Variants in MARS1 observed in about 807,000 individuals in gnomAD.
MARS1 encodes methionyl-tRNA synthetase 1, also known as methionine--tRNA ligase, cytoplasmic.
MARS1 carries 80 observed loss-of-function variants against 119.5 expected under a neutral mutation model. That is an observed-to-expected ratio of 0.67 (90% CI 0.56 to 0.81). The LOEUF (loss-of-function observed/expected upper bound fraction) is 0.81. Ranked by LOEUF, MARS1 falls within the 30% of genes least tolerant of loss-of-function variation. The pLI is 0.00. For missense variants in MARS1, 945 were observed against 1,116.5 expected, an observed-to-expected ratio of 0.85 and a Z score of 2.19; for synonymous variants, 418 against 433.4, an observed-to-expected ratio of 0.96 and a Z score of 0.44.
chr12:57,515,339 AGGTG>A lies in MARS1; in HGVS notation c.2391+5_2391+8del. The A allele has an allele frequency of 6.2e-7, 1 of 1,611,538 alleles. No homozygotes were observed. Among genetic ancestry groups the A allele is most frequent in the Non-Finnish European group, 8.5e-7 (1 of 1,179,692 alleles). ...CAGCAGGACACCAGATTGGCACAGTAGGTGGAAGAGCCAGCCTCTCTTAAAATTG... is the reference window on the plus strand; with the variant it reads ...CAGCAGGACACCAGATTGGCACAGTAGAAGAGCCAGCCTCTCTTAAAATTG... On this transcript the variant is annotated splice_donor_5th_base_variant and intron_variant, in intron 18 of 20. Coordinates refer to ENST00000262027, the MANE Select transcript of MARS1 (RefSeq NM_004990.4).
At position 57,514,847 on chromosome 12, in the gene MARS1, G is replaced by T. The variant is rs1249804454; in HGVS notation, c.2095G>T (p.Val699Phe). 2 of 1,613,892 alleles carry T rather than the reference G, an allele frequency of 1.2e-6. No individual in the cohort carries two copies. The highest frequency in any genetic ancestry group is 1.7e-6 in the Non-Finnish European group (2 of 1,179,796). The change falls in exon 16 of 21, where the codon GTT becomes TTT. Residue 699 changes from valine (V) to phenylalanine (F), a missense_variant. Transcript: ENST00000262027. ...GCACTATCACCAGCTACTTGAGAAG[G>T]TTCGGTAAGTAACTGACACCTCTGT... ...LQHYHQLLEK[V>F]RIRDALRSIL...
Position 57,515,966 on chromosome 12 carries a change from T to TA in MARS1, c.2440dup (p.Arg814LysfsTer35), listed in dbSNP as rs1877790250. 1 of 1,614,052 alleles carries TA rather than the reference T, an allele frequency of 6.2e-7. No individual in the cohort carries two copies. The highest frequency in any genetic ancestry group is 1.1e-5 in the South Asian group (1 of 91,084). On this transcript the variant is annotated frameshift_variant, in exon 19 of 21. Coordinates refer to ENST00000262027, the MANE Select transcript of MARS1 (RefSeq NM_004990.4). LOFTEE classifies it high-confidence loss of function. Reference sequence around the variant, plus strand: ...TTGGAAAATGACCAGATTGAAAGTTTAAGGCAGCGCTTTGGAGGGGGCCAG... The same window carrying TA: ...TTGGAAAATGACCAGATTGAAAGTTTAAAGGCAGCGCTTTGGAGGGGGCCAG...
At chr12:57,496,626 A>G (rs528866561) in intron 7 of MARS1, among the ~76,000 whole-genome samples, 2 of 152,096 alleles carry the variant, frequency 1.3e-5, no homozygotes, top group African/African-American at 4.8e-5. Context: ...AAAATTTAAA[A>G]ATTATCCAGG....
At chr12:57,494,494 ATTTTTTTTTT>A (rs59160934) in intron 7 of MARS1, among the ~76,000 whole-genome samples, 1 of 95,488 alleles carries the variant, frequency 1.0e-5, no homozygotes, top group African/African-American at 4.1e-5. Context: ...CGCCTGGCTA[ATTTTTTTTTT>A]TTTTTTTTTT....
chr12:57,506,999 C>T (rs1298116810), intron 11 of MARS1, among the ~76,000 whole-genome samples: 86 of 150,310 alleles, frequency 5.7e-4, no homozygotes, highest in African/African-American at 1.8e-3. Context: ...GACCCTGCGG[C>T]CTTCCGCAGT....
rs1876485347 is a variant in MARS1, at chr12:57,494,535, T to C, written c.771-3622T>C. Among the ~76,000 whole-genome samples the C allele has an allele frequency of 4.7e-5, 7 of 147,470 alleles. No homozygotes were observed. In the South Asian group the frequency reaches 1.5e-3, roughly 32 times the overall value. ...TTTTTTTTTTAGTATTTATTGATCA[T>C]TATTGGGTGTTTCTCGGAGAGGGGG... On this transcript the variant is annotated intron_variant, in intron 7 of 20. Transcript: ENST00000262027.
intron 10 of MARS1, among the ~76,000 whole-genome samples, chr12:57,503,045 A>G (rs1352017002): frequency 3.3e-5 from 5 of 152,126 alleles, no homozygotes; most frequent in African/African-American, 1.2e-4. Context: ...AACAACAACA[A>G]CAACAACAAA....
chr12:57,513,861 G>A (rs1038764159), intron 15 of MARS1, among the ~76,000 whole-genome samples: 1 of 150,714 alleles, frequency 6.6e-6, no homozygotes, highest in Admixed American at 6.6e-5. Flanking sequence ...ACAGGAGTTC[G>A]AGACCAGCCT....
rs1298123253 is a variant in MARS1 at position 57,514,831 on chromosome 12, C to T, written c.2079C>T (p.His693=). The change falls in exon 16 of 21, where the codon CAC becomes CAT. Residue 693 remains histidine, a synonymous_variant. Coordinates refer to ENST00000262027, the MANE Select transcript of MARS1 (RefSeq NM_004990.4). ...AHVTLELQHY[H]QLLEKVRIRD... is the part of the protein sequence containing the mutation. ...TCACCCTGGAGCTCCAGCACTATCA[C>T]CAGCTACTTGAGAAGGTTCGGTAAG... 3 of 1,613,964 alleles carry T rather than the reference C, an allele frequency of 1.9e-6. No individual in the cohort carries two copies. Among genetic ancestry groups the T allele is most frequent in the Non-Finnish European group, 2.5e-6 (3 of 1,179,938 alleles).
chr12:57,504,532 G>A (rs1242944291), intron 11 of MARS1, among the ~76,000 whole-genome samples: 1 of 151,932 alleles, frequency 6.6e-6, no homozygotes, highest in Non-Finnish European at 1.5e-5. Context: ...AATGTCATAT[G>A]CATATAAAAG....
Position 57,500,456 on chromosome 12 carries a change from C to T in MARS1, c.1227C>T (p.Gly409=). 6.2e-7 allele frequency: 1 copy of T among 1,614,208 alleles called. No homozygotes were observed. The highest frequency in any genetic ancestry group is 8.5e-7 in the Non-Finnish European group (1 of 1,180,048). Reference sequence around the variant, plus strand: ...TGGAGGGCGTGTGTCCCTTCTGTGGCTATGAGGAGGCTCGGGGTGACCAGT... The same window carrying T: ...TGGAGGGCGTGTGTCCCTTCTGTGGTTATGAGGAGGCTCGGGGTGACCAGT... ...RFVEGVCPFC[G]YEEARGDQCD... Residue 409 remains glycine, a synonymous_variant, in exon 10 of 21, where the codon GGC becomes GGT. Transcript: ENST00000262027.
At chr12:57,500,653 T>G (rs927965850) in intron 10 of MARS1, 131 bp downstream of exon 10, 17 of 767,150 alleles carry the variant, frequency 2.2e-5, no homozygotes, top group South Asian at 3.5e-5. Context: ...CTGCCCCATC[T>G]CAGCAACTCG....
Position 57,512,753 on chromosome 12 carries a change from T to G in MARS1, c.1756T>G (p.Tyr586Asp). 1 of 1,613,278 alleles carries G rather than the reference T, an allele frequency of 6.2e-7. No homozygotes were observed. The highest frequency in any genetic ancestry group is 8.5e-7 in the Non-Finnish European group (1 of 1,179,264). Residue 586 changes from tyrosine to aspartate, a missense_variant and splice_region_variant, in exon 15 of 21, where the codon TAC (tyrosine) becomes GAC (aspartate). Physicochemically the swap from Tyr to Asp is radical, Grantham distance 160 (BLOSUM62 -3). Coordinates refer to ENST00000262027, the MANE Select transcript of MARS1 (RefSeq NM_004990.4). Reference sequence around the variant, plus strand: ...CTCACTCATTCTCCTCTGTCCAGAGTACCTGAACTATGAGGATGGGAAATT... The same window carrying G: ...CTCACTCATTCTCCTCTGTCCAGAGGACCTGAACTATGAGGATGGGAAATT... ...TLVSHLIATE[Y>D]LNYEDGKFSK...
At chr12:57,489,841 G>C in intron 4 of MARS1, 55 bp from the exon 5 acceptor site, 1 of 1,488,630 alleles carries the variant, frequency 6.7e-7, no homozygotes, top group Non-Finnish European at 9.4e-7. Flanking sequence ...ATTACCATTG[G>C]GAAGAAACTG....
intron 9 of MARS1, chr12:57,500,089 T>G (rs1201971959): frequency 3.8e-6 from 2 of 528,664 alleles, no homozygotes; most frequent in Non-Finnish European, 6.9e-6. Flanking sequence ...TCAACAAAAG[T>G]GAATTCTAAA....
At position 57,495,978 on chromosome 12, in the gene MARS1, AGGGAGACCGTGGAAAGT is replaced by A. The variant is rs1359685630; in HGVS notation, c.771-2161_771-2145del. Among the ~76,000 whole-genome samples the A allele has an allele frequency of 2.4e-4, 37 of 152,302 alleles. No homozygotes were observed. The South Asian group carries it at 2.7e-3, about 11-fold the overall frequency. On this transcript the variant is annotated intron_variant, in intron 7 of 20. Transcript: ENST00000262027. ...CAGTCCGGCCTCGGCTCGGCATCAGAGGGAGACCGTGGAAAGTGGGAGACCGTGGAAAGTCGGAGACA... is the reference window on the plus strand; with the variant it reads ...CAGTCCGGCCTCGGCTCGGCATCAGAGGGAGACCGTGGAAAGTCGGAGACA...
chr12:57,490,873 TC>T (rs1465617928), intron 7 of MARS1, among the ~76,000 whole-genome samples: 2 of 137,826 alleles, frequency 1.5e-5, no homozygotes, highest in Non-Finnish European at 3.1e-5. Flanking sequence ...TTCTTGTCTA[TC>T]CTTTTTTTTT....
chr12:57,495,878 C>T (rs1876600300), intron 7 of MARS1, among the ~76,000 whole-genome samples: 1 of 152,214 alleles, frequency 6.6e-6, no homozygotes, highest in South Asian at 2.1e-4. Context: ...CGCGCGCCTG[C>T]AATCCCAGGC....
At position 57,488,247 on chromosome 12, in the gene MARS1, AAC is replaced by A. The variant is rs369418214; in HGVS notation, c.109+51_109+52del. On this transcript the variant is annotated intron_variant, in intron 1 of 20. Transcript: ENST00000262027. ...GCGGTGGATGGGGGGGCGGGACCGA[AAC>A]ACGCCAGATTCTCTGCAGCTGTCTT... The A allele has an allele frequency of 8.8e-5, 135 of 1,542,228 alleles. No homozygotes were observed. The East Asian group carries it at 9.9e-4, about 11-fold the overall frequency.
Sources: allele counts gnomAD v4.1 joint callset (sites outside exome capture counted in the v4.1 genomes callset), GRCh38; gene constraint gnomAD v4.1.1; transcripts MANE v1.5; gene names NCBI Gene and HGNC (gene_info 2026-07-23, HGNC 2026-07-21).